Variants in BIRC6 observed in about 807,000 individuals in gnomAD.
BIRC6 encodes the protein dual E2 ubiquitin-conjugating enzyme/E3 ubiquitin-protein ligase BIRC6.
Under a neutral mutation model 503.3 loss-of-function variants are expected in BIRC6, and 98 were observed. That is an observed-to-expected ratio of 0.19 (90% confidence interval 0.17 to 0.23). The LOEUF is 0.23. Ranked by LOEUF, BIRC6 falls within the 10% of genes least tolerant of loss-of-function variation. The pLI, the probability that BIRC6 is intolerant of heterozygous loss-of-function variation, is 1.00. For missense variants in BIRC6, 5,360 were observed against 5,806.0 expected, an observed-to-expected ratio of 0.92 and a Z score of 2.50; for synonymous variants, 2,240 against 2,078.7, an observed-to-expected ratio of 1.08 and a Z score of -2.11.
intron 47 of BIRC6, among the ~76,000 whole-genome samples, chr2:32,502,114 G>A (rs367720072): frequency 2.6e-5 from 4 of 152,126 alleles, no homozygotes; most frequent in African/African-American, 9.7e-5. Flanking sequence ...CATTTAATGT[G>A]TTCCTGAGTT....
chr2:32,473,237 C>G lies in BIRC6; in HGVS notation c.6718C>G (p.Gln2240Glu). 1 of 1,532,464 alleles carries G rather than the reference C, an allele frequency of 6.5e-7. No individual in the cohort carries two copies. Among genetic ancestry groups the G allele is most frequent in the Non-Finnish European group, 8.8e-7 (1 of 1,139,446 alleles). The allele number at this position is 1,532,464 out of a possible 1,614,324, so 94.9% of individuals were successfully genotyped here. ...KIRKQLVHHKQQLNLLKAKQK... is the reference protein window; with the variant it reads ...KIRKQLVHHKEQLNLLKAKQK... ...CAGAAAGCAGCTTGTTCATCATAAA[C>G]AGGTAATTGTCAATATATTTAAAAA... Residue 2240 changes from glutamine to glutamate, a missense_variant and splice_region_variant, in exon 33 of 74, where the codon CAG becomes GAG. Around this residue, in one of 16 missense-constraint regions of BIRC6, gnomAD observed 2,299 missense variants for 2,267.2 expected, o/e 1.01. Transcript: ENST00000421745.
In BIRC6 at chr2:32,357,363, G is replaced by A; in HGVS notation, c.202G>A (p.Asp68Asn). The change falls in exon 1 of 74, where the codon GAC becomes AAC. Residue 68 changes from aspartate to asparagine, a missense_variant. By Grantham distance (23) the Asp-to-Asn change is conservative. Around this residue, in one of 16 missense-constraint regions of BIRC6, gnomAD observed 145 missense variants for 106.9 expected, o/e 1.36. Coordinates refer to ENST00000421745, the MANE Select transcript of BIRC6 (RefSeq NM_016252.4). The surrounding 1 kb of genome is among the most constrained non-coding windows in gnomAD (Gnocchi z 4.9). ...GGACGGCTGCATGCACTGCGACGCC[G>A]ACGGGCTGCACAGCCTGTCCTACCA... ...LRDGCMHCDA[D>N]GLHSLSYHPA... 1 of 1,547,122 alleles carries A rather than the reference G, an allele frequency of 6.5e-7. No homozygotes were observed. The highest frequency in any genetic ancestry group is 8.7e-7 in the Non-Finnish European group (1 of 1,146,274).
chr2:32,499,467 A>G lies in BIRC6; in HGVS notation c.8469-80A>G, dbSNP rs188471005. The G allele has an allele frequency of 4.9e-4, 625 of 1,288,192 alleles. 3 individuals are homozygous for G. In the African/African-American group the frequency reaches 7.5e-3, roughly 16 times the overall value. The allele number at this position is 1,288,192 out of a possible 1,614,324, so 79.8% of individuals were successfully genotyped here. On this transcript the variant is annotated intron_variant, in intron 45 of 73. Coordinates refer to ENST00000421745, the MANE Select transcript of BIRC6 (RefSeq NM_016252.4). ...GTTACTACTTTCAGAACTACTTAAA[A>G]TCGTTTAATTTTTAATCCTTTCTCT...
chr2:32,369,945 AATATATATATAT>A (rs67839399), intron 1 of BIRC6, among the ~76,000 whole-genome samples: 32 of 44,210 alleles, frequency 7.2e-4, no homozygotes, highest in African/African-American at 3.6e-3. Flanking sequence ...AAAAAAAAAA[AATATATATATAT>A]ATATATATAT....
chr2:32,617,243 T>A lies in BIRC6; in HGVS notation c.14395-482T>A, dbSNP rs150508699. ...AGTGAAACCCCATCTCTACTAAAAA[T>A]ACAAAAAATTAGCTGGTTGTGGTGG... On this transcript the variant is annotated intron_variant, in intron 73 of 73. Transcript: ENST00000421745. 8.0e-3 allele frequency among the ~76,000 whole-genome samples: 1,220 copies of A among 152,102 alleles called. 16 individuals carry two copies. Among genetic ancestry groups the A allele is most frequent in the African/African-American group, 0.027 (1,128 of 41,466 alleles).
chr2:32,448,292 C>T (rs1175608078), intron 21 of BIRC6, among the ~76,000 whole-genome samples: 2 of 125,680 alleles, frequency 1.6e-5, no homozygotes, highest in African/African-American at 3.1e-5. Context: ...CTTTGGGAGG[C>T]CAAGGCAGGC....
In BIRC6 at chr2:32,575,262, A is replaced by G; in HGVS notation, c.13251A>G (p.Thr4417=). ...TGCCCCTATTGTTGCCCCTTTCTAC[A>G]GAGAACGGTGAAGAGGAAGAAGAAC... The part of the protein sequence containing the change: ...AMVPLLLPLS[T]ENGEEEEEQS... Residue 4417 remains threonine, a synonymous_variant, in exon 66 of 74, where the codon ACA becomes ACG. Coordinates refer to ENST00000421745, the MANE Select transcript of BIRC6 (RefSeq NM_016252.4). The G allele has an allele frequency of 1.9e-6, 3 of 1,613,984 alleles. No homozygotes were observed. The highest frequency in any genetic ancestry group is 2.5e-6 in the Non-Finnish European group (3 of 1,179,884).
chr2:32,527,609 A>T (rs1350658046), intron 59 of BIRC6: 2 of 152,380 alleles, frequency 1.3e-5, no homozygotes, highest in East Asian at 3.9e-4. Flanking sequence ...CTGGCCTGCA[A>T]CTGTGTTTAG....
chr2:32,490,039 A>T lies in BIRC6; in HGVS notation c.8096-2A>T. On this transcript the variant is annotated splice_acceptor_variant, in intron 42 of 73. Coordinates refer to ENST00000421745, the MANE Select transcript of BIRC6 (RefSeq NM_016252.4). LOFTEE classifies it high-confidence loss of function. Reference sequence around the variant, plus strand: ...TATTTTCCCTTTCTCTTTTCTGCATAGCATCAATAACTAGCTTTCTCACAG... The same window carrying T: ...TATTTTCCCTTTCTCTTTTCTGCATTGCATCAATAACTAGCTTTCTCACAG... The T allele has an allele frequency of 6.3e-7, 1 of 1,591,200 alleles. No homozygotes were observed. Among genetic ancestry groups the T allele is most frequent in the Non-Finnish European group, 8.6e-7 (1 of 1,159,960 alleles).
intron 55 of BIRC6, among the ~76,000 whole-genome samples, chr2:32,516,212 C>G (rs2055019262): frequency 6.6e-6 from 1 of 152,110 alleles, no homozygotes; most frequent in Admixed American, 6.6e-5. Flanking sequence ...ACATAAATCA[C>G]ATACAAAATG....
chr2:32,447,676 G>A (rs1296778854), intron 21 of BIRC6, among the ~76,000 whole-genome samples: 3 of 114,600 alleles, frequency 2.6e-5, no homozygotes, highest in African/African-American at 1.0e-4. Context: ...CCCCCCTCCC[G>A]GACTGGGCGG....
At chr2:32,587,672 C>G (rs527291960) in intron 66 of BIRC6, among the ~76,000 whole-genome samples, 1 of 152,062 alleles carries the variant, frequency 6.6e-6, no homozygotes, top group African/African-American at 2.4e-5. Flanking sequence ...TGCAGTGAGC[C>G]GAGATCACGC....
At position 32,529,776 on chromosome 2, in the gene BIRC6, C is replaced by G; in HGVS notation, c.12046C>G (p.Pro4016Ala). The change falls in exon 60 of 74, where the codon CCC (proline) becomes GCC (alanine). Residue 4016 changes from proline to alanine, a missense_variant. By Grantham distance (27) the Pro-to-Ala change is conservative. Around this residue, in one of 16 missense-constraint regions of BIRC6, gnomAD observed 878 missense variants for 928.9 expected, o/e 0.95. Coordinates refer to ENST00000421745, the MANE Select transcript of BIRC6 (RefSeq NM_016252.4). ...ATTGGGATCAAGAGTTATAACAGAC[C>G]CCAGTCTATCAAAAACAGATTCTTA... ...VKLGSRVITD[P>A]SLSKTDSYKR... 2 of 1,612,652 alleles carry G rather than the reference C, an allele frequency of 1.2e-6. No individual in the cohort carries two copies. Among genetic ancestry groups the G allele is most frequent in the South Asian group, 2.2e-5 (2 of 90,930 alleles).
intron 8 of BIRC6, among the ~76,000 whole-genome samples, chr2:32,404,625 A>G (rs1452282340): frequency 6.6e-6 from 1 of 151,848 alleles, no homozygotes; most frequent in African/African-American, 2.4e-5. Context: ...TAGCCATAAA[A>G]TGTTTTTGTC....
At chr2:32,526,781 G>C (rs1256873155) in intron 59 of BIRC6, 1 of 153,546 alleles carries the variant, frequency 6.5e-6, no homozygotes, top group Non-Finnish European at 1.5e-5. Flanking sequence ...ATGATGAACT[G>C]AATGTTGAAA....
chr2:32,479,738 A>G, intron 37 of BIRC6, 121 bp downstream of exon 37: 1 of 828,086 alleles, frequency 1.2e-6, no homozygotes, highest in Non-Finnish European at 1.8e-6. Flanking sequence ...TTGGCCTTAT[A>G]AACTAGATCC....
At chr2:32,600,006 G>A in intron 70 of BIRC6, 106 bp downstream of exon 70, 1 of 1,069,298 alleles carries the variant, frequency 9.4e-7, no homozygotes. Context: ...GAGGGCATGG[G>A]TTTCTTTGTA....
At position 32,548,008 on chromosome 2, in the gene BIRC6, T is replaced by A. The variant is rs1181293978; in HGVS notation, c.12969T>A (p.Leu4323=). The change falls in exon 64 of 74, where the codon CTT becomes CTA. Residue 4323 remains leucine (L), a synonymous_variant. Transcript: ENST00000421745. ...QRLEEEHVTC[L]LQVLASYINP... is the part of the protein sequence containing the mutation. ...TGGAAGAGGAACATGTTACCTGCCT[T>A]CTGCAGGTATATTTGTAAACTTGAT... 1 of 1,594,606 alleles carries A rather than the reference T, an allele frequency of 6.3e-7. No individual in the cohort carries two copies. Among genetic ancestry groups the A allele is most frequent in the East Asian group, 2.2e-5 (1 of 44,682 alleles).
intron 40 of BIRC6, 117 bp from the exon 41 acceptor site, chr2:32,487,530 C>A: frequency 1.1e-6 from 1 of 882,914 alleles, no homozygotes; most frequent in Non-Finnish European, 1.7e-6. Context: ...TTGAACCATT[C>A]TAAAGAATGC....
Sources: allele counts gnomAD v4.1 joint callset (sites outside exome capture counted in the v4.1 genomes callset), GRCh38; gene constraint gnomAD v4.1.1; regional missense constraint gnomAD v4.1.1; non-coding constraint Gnocchi (gnomAD v3.1); transcripts MANE v1.5; gene names NCBI Gene and HGNC (gene_info 2026-07-23, HGNC 2026-07-21).